The following DAB1 variants were observed in gnomAD, a reference collection of about 807,000 sequenced individuals.
DAB1 encodes DAB adaptor protein 1.
Under a neutral mutation model 64.6 loss-of-function variants are expected in DAB1, and 15 were observed. The observed-to-expected ratio is 0.23, with a 90% confidence interval of 0.16 to 0.36. The LOEUF (loss-of-function observed/expected upper bound fraction) is 0.36. DAB1 is among the 10% of genes least tolerant of loss of function. The pLI, the probability that DAB1 is intolerant of heterozygous loss-of-function variation, is 1.00. For missense variants in DAB1, 596 were observed against 706.7 expected (o/e 0.84, Z 1.78); for synonymous variants, 235 against 251.9 (o/e 0.93, Z 0.64).
At chr1:58,067,127 C>CT (rs1648903517) in intron 5 of DAB1, among the ~76,000 whole-genome samples, 3 of 152,188 alleles carry the variant, frequency 2.0e-5, no homozygotes, top group Admixed American at 1.3e-4. Context: ...TACACACTTC[C>CT]TTTTTCCTTT....
chr1:58,291,736 C>G (rs1661843246), intron 4 of DAB1, among the ~76,000 whole-genome samples: 1 of 152,108 alleles, frequency 6.6e-6, no homozygotes, highest in East Asian at 1.9e-4. Flanking sequence ...TTGTGGGAAC[C>G]TGGCGGGGGG....
intron 5 of DAB1, among the ~76,000 whole-genome samples, chr1:57,897,453 C>T (rs192372946): frequency 6.6e-6 from 1 of 152,266 alleles, no homozygotes; most frequent in East Asian, 1.9e-4. Context: ...ATTGATTTCA[C>T]AAAATTTTCA....
intron 6 of DAB1, among the ~76,000 whole-genome samples, chr1:57,790,122 T>C (rs1650525298): frequency 6.6e-6 from 1 of 152,146 alleles, no homozygotes; most frequent in Non-Finnish European, 1.5e-5. Context: ...TCCTGCTCTG[T>C]TTCCTTTCTG....
At chr1:58,448,942 T>C (rs1277502699) in intron 3 of DAB1, among the ~76,000 whole-genome samples, 4 of 151,858 alleles carry the variant, frequency 2.6e-5, no homozygotes, top group Non-Finnish European at 5.9e-5. Context: ...GAGAAAGAAA[T>C]AGAATCCAAC....
intron 6 of DAB1, among the ~76,000 whole-genome samples, chr1:57,754,709 CAAAA>C (rs1167411046): frequency 6.6e-6 from 1 of 151,784 alleles, no homozygotes. Flanking sequence ...AACAAACAAA[CAAAA>C]CAAACAAACA....
intron 5 of DAB1, among the ~76,000 whole-genome samples, chr1:58,031,989 CGTGTGTGTGTGTGTGT>C (rs59449665): frequency 3.8e-4 from 54 of 141,982 alleles, no homozygotes; most frequent in Admixed American, 1.3e-3. Flanking sequence ...CTGATAGAAA[CGTGTGTGTGTGTGTGT>C]GTGTGTGTGT....
chr1:57,206,064 G>T (rs1665511868), intron 2 of DAB1, among the ~76,000 whole-genome samples: 1 of 152,182 alleles, frequency 6.6e-6, no homozygotes, highest in African/African-American at 2.4e-5. Context: ...CCCTGCAAAA[G>T]TGCTTATATG....
At position 57,028,782 on chromosome 1, in the gene DAB1, A is replaced by G. The variant is rs1646871309; in HGVS notation, c.724-2739T>C. ...TTGTGGAACTTTGAATTTGAGAGAGATAATTTAGGGTATCTGGCAGAAGAA... is the reference window on the plus strand; with the variant it reads ...TTGTGGAACTTTGAATTTGAGAGAGGTAATTTAGGGTATCTGGCAGAAGAA... On this transcript the variant is annotated intron_variant, in intron 9 of 14. Coordinates refer to ENST00000371236, the MANE Select transcript of DAB1 (RefSeq NM_001365792.1). 2.0e-5 allele frequency among the ~76,000 whole-genome samples: 3 copies of G among 152,242 alleles called. No individual in the cohort carries two copies. In the South Asian group the frequency reaches 6.2e-4, roughly 32 times the overall value.
At chr1:57,446,410 C>T (rs1307804735) in intron 7 of DAB1, among the ~76,000 whole-genome samples, 2 of 151,908 alleles carry the variant, frequency 1.3e-5, no homozygotes, top group Non-Finnish European at 2.9e-5. Context: ...CCAGCCTCAC[C>T]CACACGGAGA....
chr1:57,781,766 T>C (rs1240792026), intron 6 of DAB1, among the ~76,000 whole-genome samples: 1 of 150,804 alleles, frequency 6.6e-6, no homozygotes. Context: ...GCTGATTAAA[T>C]TGGGCAAATT....
rs1646403321 is a variant in DAB1, at chr1:57,015,576, A to G, written c.896-145T>C. 4.2e-6 allele frequency: 3 copies of G among 712,020 alleles called. No individual in the cohort carries two copies. The African/African-American group carries it at 5.4e-5, about 13-fold the overall frequency. 44.1% of individuals were successfully genotyped at this position (712,020 alleles called of 1,614,324 possible). ...AGGGACTGGGGATGCCAAGATGAAC[A>G]AGACAAAGTCCTTGCTGTCATAGAG... On this transcript the variant is annotated intron_variant, in intron 11 of 14. Transcript: ENST00000371236.
At chr1:57,606,014 TA>T in intron 7 of DAB1, 1 of 656,776 alleles carries the variant, frequency 1.5e-6, no homozygotes, top group Non-Finnish European at 2.8e-6. Flanking sequence ...GTTTTTCTTG[TA>T]GTGATTCTCA....
rs539082854 is a variant in DAB1, at chr1:57,156,664, G to A, written c.68-11235C>T. Among the ~76,000 whole-genome samples the A allele has an allele frequency of 7.9e-5, 12 of 152,176 alleles. No individual in the cohort carries two copies. The South Asian group carries it at 2.5e-3, about 32-fold the overall frequency. The stretch of plus-strand genomic sequence containing the variant: ...TAAGTATGATTCATTTAGTCCTCAA[G>A]GAATAAAATTCCTAATGGGATAAAA... On this transcript the variant is annotated intron_variant, in intron 2 of 14. Coordinates refer to ENST00000371236, the MANE Select transcript of DAB1 (RefSeq NM_001365792.1).
intron 3 of DAB1, among the ~76,000 whole-genome samples, chr1:58,497,512 G>A (rs1165995352): frequency 1.3e-5 from 2 of 152,106 alleles, no homozygotes; most frequent in Non-Finnish European, 2.9e-5. Flanking sequence ...TAAGACTCCA[G>A]GAGACCAGAC....
chr1:58,208,654 G>T lies in DAB1; in HGVS notation n.310-58066C>A, dbSNP rs183126090. ...CTTTTTATGGCTGAGTAGTATTCTGGTATATACATACCATGTTTTCTTTAT... is the reference window on the plus strand; with the variant it reads ...CTTTTTATGGCTGAGTAGTATTCTGTTATATACATACCATGTTTTCTTTAT... On this transcript the variant is annotated intron_variant and non_coding_transcript_variant, in intron 4 of 20. Transcript: ENST00000485760. 2.6e-5 allele frequency among the ~76,000 whole-genome samples: 4 copies of T among 152,174 alleles called. No individual in the cohort carries two copies. In the East Asian group the frequency reaches 7.7e-4, roughly 29 times the overall value.
chr1:58,494,572 G>C (rs1403957916), intron 3 of DAB1, among the ~76,000 whole-genome samples: 5 of 151,836 alleles, frequency 3.3e-5, no homozygotes, highest in Non-Finnish European at 1.5e-5. Context: ...AAATTTACAA[G>C]AAAAAAACAA....
chr1:58,237,116 T>C (rs895019648), intron 4 of DAB1, among the ~76,000 whole-genome samples: 1 of 152,182 alleles, frequency 6.6e-6, no homozygotes, highest in African/African-American at 2.4e-5. Context: ...CCTTTACTTC[T>C]AATAAAGCAG....
intron 5 of DAB1, among the ~76,000 whole-genome samples, chr1:58,065,532 G>A (rs1023428610): frequency 6.6e-6 from 1 of 152,148 alleles, no homozygotes; most frequent in Non-Finnish European, 1.5e-5. Flanking sequence ...TTCAGTTCAT[G>A]ACAGACTCTG....
At chr1:56,999,956 G>A (rs1645784502) in intron 14 of DAB1, among the ~76,000 whole-genome samples, 2 of 151,356 alleles carry the variant, frequency 1.3e-5, no homozygotes, top group Non-Finnish European at 2.9e-5. Context: ...ACAATCCTTC[G>A]TCCAAATGTC....
Sources: gnomAD v4.1 joint callset for allele counts (sites outside exome capture counted in the v4.1 genomes callset) on GRCh38, gnomAD v4.1.1 for gene constraint, MANE v1.5 for transcripts, NCBI Gene and HGNC (gene_info 2026-07-23, HGNC 2026-07-21) for gene names.